Variants in PSEN1 observed in about 807,000 individuals in gnomAD.
PSEN1 encodes presenilin-1.
A neutral mutation model predicts 53.5 loss-of-function variants in PSEN1; 15 were observed. The ratio of observed to expected loss-of-function variants is 0.28; its 90% confidence interval spans 0.19 to 0.43. The LOEUF (loss-of-function observed/expected upper bound fraction) is 0.43. Ranked by LOEUF, PSEN1 falls within the 20% of genes least tolerant of loss-of-function variation. The pLI is 1.00. For missense variants in PSEN1, 387 were observed against 571.2 expected (o/e 0.68, Z 3.29); for synonymous variants, 208 against 209.8 (o/e 0.99, Z 0.08).
chr14:73,202,449 T>C (rs1270514294), intron 8 of PSEN1, among the ~76,000 whole-genome samples: 5 of 18,714 alleles, frequency 2.7e-4, no homozygotes, highest in Non-Finnish European at 3.0e-4. Flanking sequence ...TATATATATA[T>C]ATATATATAT....
chr14:73,170,179 G>C (rs1299765581), intron 3 of PSEN1, among the ~76,000 whole-genome samples: 1 of 152,142 alleles, frequency 6.6e-6, no homozygotes, highest in Non-Finnish European at 1.5e-5. Context: ...TCACCATCTT[G>C]GTTTTGGTGG....
intron 3 of PSEN1, among the ~76,000 whole-genome samples, chr14:73,167,409 T>A (rs1897749573): frequency 6.6e-6 from 1 of 152,210 alleles, no homozygotes; most frequent in South Asian, 2.1e-4. Flanking sequence ...CCTGTAAGTA[T>A]AATGGAAATA....
intron 1 of PSEN1, among the ~76,000 whole-genome samples, chr14:73,137,716 T>C (rs376331004): frequency 1.3e-5 from 2 of 152,058 alleles, no homozygotes; most frequent in African/African-American, 4.8e-5. Flanking sequence ...AAGGAAAAGG[T>C]TGGCAGGGAT....
intron 5 of PSEN1, among the ~76,000 whole-genome samples, chr14:73,178,243 C>T (rs574976324): frequency 7.3e-6 from 1 of 137,164 alleles, no homozygotes; most frequent in Admixed American, 7.5e-5. Context: ...TTTTTGAGAC[C>T]GAGTCTCGCT....
chr14:73,186,383 A>C (rs1435610252), intron 5 of PSEN1, among the ~76,000 whole-genome samples: 2 of 151,194 alleles, frequency 1.3e-5, no homozygotes, highest in East Asian at 3.9e-4. Context: ...CCGTCTCAGA[A>C]AAAAAAAAAG....
At chr14:73,218,653 A>AAGAATGCTCCCGCACAGCATAG (rs1367610574) in intron 11 of PSEN1, among the ~76,000 whole-genome samples, 8 of 151,104 alleles carry the variant, frequency 5.3e-5, no homozygotes, top group Admixed American at 5.3e-4. Context: ...ACACAGCATA[A>AAGAATGCTCCCGCACAGCATAG]AGAATGCTCC....
intron 3 of PSEN1, among the ~76,000 whole-genome samples, chr14:73,157,381 C>T (rs1052210462): frequency 4.0e-5 from 6 of 151,834 alleles, no homozygotes; most frequent in Non-Finnish European, 7.4e-5. Flanking sequence ...TCAGATGATC[C>T]GCCTGCCTCG....
chr14:73,188,049 C>T (rs1435857337), intron 6 of PSEN1, among the ~76,000 whole-genome samples: 1 of 152,062 alleles, frequency 6.6e-6, no homozygotes, highest in African/African-American at 2.4e-5. Context: ...CTGCCTCAGC[C>T]CCCTGAGTAA....
chr14:73,209,864 C>T (rs1371865373), intron 9 of PSEN1, among the ~76,000 whole-genome samples: 3 of 152,164 alleles, frequency 2.0e-5, no homozygotes, highest in Non-Finnish European at 4.4e-5. Flanking sequence ...AGTGAGAATG[C>T]TGCTGGTATT....
chr14:73,174,495 A>G (rs1016778207), intron 5 of PSEN1, among the ~76,000 whole-genome samples: 4 of 151,806 alleles, frequency 2.6e-5, no homozygotes, highest in African/African-American at 9.7e-5. Flanking sequence ...TGGTCTCCCA[A>G]AGTGCTGGGA....
intron 1 of PSEN1, among the ~76,000 whole-genome samples, chr14:73,140,088 T>C (rs1333714811): frequency 6.6e-6 from 1 of 152,176 alleles, no homozygotes; most frequent in Non-Finnish European, 1.5e-5. Flanking sequence ...TTATTGAAAT[T>C]AAATAACTTA....
At chr14:73,173,360 AT>A (rs1434585562) in intron 4 of PSEN1, among the ~76,000 whole-genome samples, 2 of 152,192 alleles carry the variant, frequency 1.3e-5, no homozygotes, top group African/African-American at 4.8e-5. Flanking sequence ...TTCTTTCCAT[AT>A]GTTAGACATT....
intron 1 of PSEN1, among the ~76,000 whole-genome samples, chr14:73,140,199 A>G (rs1158841368): frequency 2.0e-5 from 2 of 102,440 alleles, no homozygotes; most frequent in Non-Finnish European, 4.3e-5. Flanking sequence ...TTTTTTTGCT[A>G]TTCTTTTTTT....
chr14:73,146,560 A>G (rs1246133355), intron 1 of PSEN1, among the ~76,000 whole-genome samples: 1 of 152,234 alleles, frequency 6.6e-6, no homozygotes, highest in Non-Finnish European at 1.5e-5. Context: ...AAAAGCATGT[A>G]TGATAAAGTG....
intron 3 of PSEN1, among the ~76,000 whole-genome samples, chr14:73,153,484 G>A (rs1897278559): frequency 6.6e-6 from 1 of 152,156 alleles, no homozygotes; most frequent in African/African-American, 2.4e-5. Context: ...TTGGTCAGAT[G>A]CTGAATGGAA....
At position 73,170,824 on chromosome 14, in the gene PSEN1, A is replaced by AACGACAG. The variant is rs1566629201; in HGVS notation, c.119_125dup (p.Ser43GlnfsTer8). On this transcript the variant is annotated frameshift_variant, in exon 4 of 12. Transcript: ENST00000324501. LOFTEE classifies it high-confidence loss of function. The stretch of plus-strand genomic sequence containing the variant: ...TGACAATAGAGAACGGCAGGAGCAC[A>AACGACAG]ACGACAGACGGAGCCTTGGCCACCC... 1.2e-6 allele frequency: 2 copies of AACGACAG among 1,614,100 alleles called. No homozygotes were observed. The highest frequency in any genetic ancestry group is 1.7e-6 in the Non-Finnish European group (2 of 1,179,924).
chr14:73,189,683 A>G (rs1342083301), intron 6 of PSEN1: 1 of 154,546 alleles, frequency 6.5e-6, no homozygotes, highest in Non-Finnish European at 1.4e-5. Flanking sequence ...TAATAAAAGG[A>G]TAAGTCCCAT....
At chr14:73,148,171 C>CTG in intron 3 of PSEN1, 65 bp downstream of exon 3, 1 of 1,211,280 alleles carries the variant, frequency 8.3e-7, no homozygotes, top group East Asian at 2.4e-5. Flanking sequence ...CCCCTCACCT[C>CTG]TGAGAAATGC....
At chr14:73,194,777 C>T (rs1403999645) in intron 7 of PSEN1, among the ~76,000 whole-genome samples, 2 of 151,296 alleles carry the variant, frequency 1.3e-5, no homozygotes, top group African/African-American at 2.4e-5. Flanking sequence ...ACCATGTTAG[C>T]CAGGATGATC....
Sources: gnomAD v4.1 joint callset for allele counts (sites outside exome capture counted in the v4.1 genomes callset) on GRCh38, gnomAD v4.1.1 for gene constraint, MANE v1.5 for transcripts, NCBI Gene and HGNC (gene_info 2026-07-23, HGNC 2026-07-21) for gene names.